Variants in SNX4 observed in about 807,000 individuals in gnomAD.
The protein encoded by SNX4 is sorting nexin-4.
Under a neutral mutation model 70.8 loss-of-function variants are expected in SNX4, and 49 were observed. The observed-to-expected ratio is 0.69, with a 90% CI of 0.55 to 0.88. The LOEUF (loss-of-function observed/expected upper bound fraction) is 0.88. Ranked by LOEUF, SNX4 falls within the 40% of genes least tolerant of loss-of-function variation. The pLI, the probability that SNX4 is intolerant of heterozygous loss-of-function variation, is 0.00. For missense variants in SNX4, 528 were observed against 544.8 expected (o/e 0.97, Z 0.31); for synonymous variants, 206 against 183.8 (o/e 1.12, Z -0.98).
At chr3:125,462,069 A>G (rs1465345863) in intron 9 of SNX4, among the ~76,000 whole-genome samples, 7 of 152,300 alleles carry the variant, frequency 4.6e-5, no homozygotes, top group African/African-American at 1.7e-4. Context: ...TGGCTCCCAC[A>G]TTGCTTCTCC....
chr3:125,453,701 G>A, intron 12 of SNX4, 109 bp downstream of exon 12: 8 of 1,036,264 alleles, frequency 7.7e-6, no homozygotes, highest in Admixed American at 2.5e-5. Context: ...CTGTATTCAG[G>A]GATGCCAATG....
At chr3:125,495,275 T>TATATATATATATATATATATATATACAC in intron 5 of SNX4, among the ~76,000 whole-genome samples, 40 of 83,018 alleles carry the variant, frequency 4.8e-4, no homozygotes, top group African/African-American at 1.2e-3. Context: ...TATATATATA[T>TATATATATATATATATATATATATACAC]ATACACATAC....
At chr3:125,493,176 T>C (rs1265046369) in intron 5 of SNX4, among the ~76,000 whole-genome samples, 1 of 152,158 alleles carries the variant, frequency 6.6e-6, no homozygotes, top group Non-Finnish European at 1.5e-5. Flanking sequence ...CTCAAACTCC[T>C]GGGCTAAAGT....
At chr3:125,485,527 G>T (rs920162535) in intron 6 of SNX4, among the ~76,000 whole-genome samples, 4 of 151,944 alleles carry the variant, frequency 2.6e-5, no homozygotes, top group Admixed American at 2.6e-4. Flanking sequence ...TGAACTCCTG[G>T]CCTCAAGTGA....
intron 1 of SNX4, among the ~76,000 whole-genome samples, chr3:125,511,154 T>C (rs1434665988): frequency 6.6e-6 from 1 of 152,222 alleles, no homozygotes; most frequent in African/African-American, 2.4e-5. Flanking sequence ...CCTCAGGTGA[T>C]CCACCCACCT....
chr3:125,456,512 G>T (rs1933720116), intron 11 of SNX4, among the ~76,000 whole-genome samples: 1 of 151,820 alleles, frequency 6.6e-6, no homozygotes, highest in African/African-American at 2.4e-5. Flanking sequence ...CCAGGCATGG[G>T]GGCACATGCC....
chr3:125,463,823 CT>C (rs1933939727), intron 9 of SNX4, among the ~76,000 whole-genome samples: 1 of 152,062 alleles, frequency 6.6e-6, no homozygotes, highest in Non-Finnish European at 1.5e-5. Context: ...TATTTTTTGT[CT>C]TTTTGAATCA....
At position 125,447,050 on chromosome 3, in the gene SNX4, A is replaced by T. The variant is rs947681503; in HGVS notation, c.*729T>A. On this transcript the variant is annotated 3_prime_UTR_variant, in exon 14 of 14. Transcript: ENST00000251775. ...AAATTTAGGCTCATTACTGAGGTTA[A>T]GAATTATTTGAGAAGAATTTAATTC... 2.6e-5 allele frequency: 4 copies of T among 152,616 alleles called. No homozygotes were observed. The highest frequency in any genetic ancestry group is 9.6e-5 in the African/African-American group (4 of 41,458). 9.5% of individuals were successfully genotyped at this position (152,616 alleles called of 1,614,324 possible).
chr3:125,449,706 T>C (rs1933526262), intron 13 of SNX4, among the ~76,000 whole-genome samples: 1 of 152,154 alleles, frequency 6.6e-6, no homozygotes, highest in Non-Finnish European at 1.5e-5. Context: ...CAAATACAGC[T>C]ATAGTAGTAT....
At chr3:125,490,554 T>G (rs532615440) in intron 5 of SNX4, among the ~76,000 whole-genome samples, 2 of 145,900 alleles carry the variant, frequency 1.4e-5, no homozygotes, top group South Asian at 4.3e-4. Flanking sequence ...AAGAAATACA[T>G]GTACTAAGTA....
At chr3:125,474,245 G>A (rs1300127808) in intron 8 of SNX4, among the ~76,000 whole-genome samples, 1 of 152,172 alleles carries the variant, frequency 6.6e-6, no homozygotes, top group East Asian at 1.9e-4. Flanking sequence ...TTCAGGTCTT[G>A]ATTAAATTAC....
rs893675435 is a variant in SNX4 at position 125,495,776 on chromosome 3, T to G, written c.597+1565A>C. On this transcript the variant is annotated intron_variant, in intron 5 of 13. Coordinates refer to ENST00000251775, the MANE Select transcript of SNX4 (RefSeq NM_003794.4). ...GACTTAATGACTAGAATTTTTAAAT[T>G]TTTTGTTATATAAAGAGAATTCACT... Among the ~76,000 whole-genome samples the G allele has an allele frequency of 6.6e-5, 10 of 152,334 alleles. 1 individual carries two copies. In the South Asian group the frequency reaches 2.1e-3, roughly 32 times the overall value.
chr3:125,455,411 G>T (rs1579972323), intron 11 of SNX4, among the ~76,000 whole-genome samples: 1 of 152,122 alleles, frequency 6.6e-6, no homozygotes, highest in African/African-American at 2.4e-5. Context: ...ATAACTCAAC[G>T]CTCAAACTTG....
intron 1 of SNX4, among the ~76,000 whole-genome samples, chr3:125,506,737 C>A (rs1935050308): frequency 7.2e-6 from 1 of 138,910 alleles, no homozygotes; most frequent in Non-Finnish European, 1.5e-5. Flanking sequence ...CAGGCATGAG[C>A]CACCATGCCT....
At chr3:125,509,752 CAAAAAAAAAAAAA>C (rs202049305) in intron 1 of SNX4, among the ~76,000 whole-genome samples, 8 of 68,736 alleles carry the variant, frequency 1.2e-4, no homozygotes, top group Non-Finnish European at 2.3e-4. Flanking sequence ...GAATCTGTCT[CAAAAAAAAAAAAA>C]AAAAAAAAAA....
At chr3:125,511,372 A>T (rs559212579) in intron 1 of SNX4, among the ~76,000 whole-genome samples, 29 of 148,614 alleles carry the variant, frequency 2.0e-4, no homozygotes, top group African/African-American at 6.6e-4. Context: ...AGTTAGCATA[A>T]TTTTTTTTTT....
intron 2 of SNX4, among the ~76,000 whole-genome samples, chr3:125,498,478 T>C (rs1361927650): frequency 6.6e-6 from 1 of 152,138 alleles, no homozygotes; most frequent in Non-Finnish European, 1.5e-5. Flanking sequence ...TGTCACCACA[T>C]TGGCTAATAC....
intron 6 of SNX4, among the ~76,000 whole-genome samples, chr3:125,485,223 G>A: frequency 6.6e-6 from 1 of 152,166 alleles, no homozygotes; most frequent in Non-Finnish European, 1.5e-5. Flanking sequence ...CCCAGCCTGG[G>A]TAACAGAGCA....
intron 2 of SNX4, among the ~76,000 whole-genome samples, chr3:125,498,670 C>T (rs1424941312): frequency 6.6e-6 from 1 of 152,180 alleles, no homozygotes; most frequent in East Asian, 1.9e-4. Context: ...ACAGTATATG[C>T]TCTGCCTATG....
Sources: allele counts gnomAD v4.1 joint callset (sites outside exome capture counted in the v4.1 genomes callset), GRCh38; gene constraint gnomAD v4.1.1; transcripts MANE v1.5; gene names NCBI Gene and HGNC (gene_info 2026-07-23, HGNC 2026-07-21).